Variants in ELMO1 observed in about 807,000 individuals in gnomAD.
ELMO1 encodes the protein engulfment and cell motility 1.
Under a neutral mutation model 98.9 loss-of-function variants are expected in ELMO1, and 26 were observed. That is an observed-to-expected ratio of 0.26 (90% confidence interval 0.19 to 0.36). The LOEUF is 0.36. Ranked by LOEUF, ELMO1 falls within the 10% of genes least tolerant of loss-of-function variation. ELMO1 has a pLI of 1.00. For synonymous variants in ELMO1, 346 were observed against 346.0 expected, an observed-to-expected ratio of 1.00 and a Z score of 0.00; for missense variants, 627 against 935.2, an observed-to-expected ratio of 0.67 and a Z score of 4.30.
intron 6 of ELMO1, among the ~76,000 whole-genome samples, chr7:37,246,008 C>T (rs766381584): frequency 1.3e-5 from 2 of 152,136 alleles, no homozygotes; most frequent in Admixed American, 6.5e-5. Flanking sequence ...GAAAAACACA[C>T]GAATCTGCTT....
intron 14 of ELMO1, among the ~76,000 whole-genome samples, chr7:37,103,025 A>G (rs1488081060): frequency 2.0e-5 from 3 of 152,198 alleles, no homozygotes; most frequent in Non-Finnish European, 2.9e-5. Context: ...AGTTTTCTCC[A>G]TGAAAATGAG....
intron 1 of ELMO1, among the ~76,000 whole-genome samples, chr7:37,364,771 C>T (rs1002395716): frequency 6.6e-6 from 1 of 152,124 alleles, no homozygotes; most frequent in African/African-American, 2.4e-5. Flanking sequence ...CTAAGGATAT[C>T]GGCTTTTCTA....
At chr7:36,887,473 G>A (rs2072522) in intron 18 of ELMO1, 87 bp downstream of exon 18, 22 of 1,300,318 alleles carry the variant, frequency 1.7e-5, no homozygotes, top group Admixed American at 3.8e-5. Context: ...TGGCCTACCC[G>A]TAAACCAACA....
chr7:37,078,234 T>C (rs1797687817), intron 15 of ELMO1, among the ~76,000 whole-genome samples: 1 of 152,210 alleles, frequency 6.6e-6, no homozygotes, highest in African/African-American at 2.4e-5. Context: ...TTAATACTGT[T>C]TTATGAAGGA....
At chr7:36,985,494 A>G (rs909403755) in intron 16 of ELMO1, among the ~76,000 whole-genome samples, 7 of 152,112 alleles carry the variant, frequency 4.6e-5, no homozygotes, top group Admixed American at 4.6e-4. Context: ...CCATTGTAAT[A>G]ACATCTCTCT....
rs1280865782 is a variant in ELMO1 at position 36,955,203 on chromosome 7, G to A, written c.1437+58096C>T. On this transcript the variant is annotated intron_variant, in intron 16 of 21. Coordinates refer to ENST00000310758, the MANE Select transcript of ELMO1 (RefSeq NM_014800.11). ...TCTAAGGTCGAGTAGCTCCTAACTGGTCACACCAGGAAATAAACCCTCCTC... is the reference window on the plus strand; with the variant it reads ...TCTAAGGTCGAGTAGCTCCTAACTGATCACACCAGGAAATAAACCCTCCTC... 2.0e-5 allele frequency among the ~76,000 whole-genome samples: 3 copies of A among 152,190 alleles called. No homozygotes were observed. The East Asian group carries it at 5.8e-4, about 29-fold the overall frequency.
intron 1 of ELMO1, among the ~76,000 whole-genome samples, chr7:37,371,179 G>A (rs10246492): frequency 0.51 from 77,402 of 151,946 alleles, 19,846 homozygotes; most frequent in East Asian, 0.7. Context: ...GAATCATTCC[G>A]TTTTTATAAA....
intron 15 of ELMO1, among the ~76,000 whole-genome samples, chr7:37,086,041 G>A (rs540966896): frequency 3.3e-5 from 5 of 152,290 alleles, no homozygotes; most frequent in Admixed American, 6.5e-5. Flanking sequence ...AGAATTAGGC[G>A]GCAGTGCGTC....
chr7:37,412,392 G>A (rs1218777066), intron 1 of ELMO1, among the ~76,000 whole-genome samples: 1 of 152,158 alleles, frequency 6.6e-6, no homozygotes, highest in African/African-American at 2.4e-5. Context: ...GTCTTCTATA[G>A]GAGGCTTCTG....
chr7:37,072,730 T>G (rs1363416440), intron 15 of ELMO1, among the ~76,000 whole-genome samples: 2 of 152,126 alleles, frequency 1.3e-5, no homozygotes, highest in African/African-American at 4.8e-5. Flanking sequence ...GAGCCTGCAG[T>G]GAGGGGGTGC....
intron 14 of ELMO1, among the ~76,000 whole-genome samples, chr7:37,126,942 T>TA (rs1786562715): frequency 6.6e-6 from 1 of 152,254 alleles, no homozygotes; most frequent in Non-Finnish European, 1.5e-5. Context: ...GAAAAAGATG[T>TA]AATCAATAAT....
intron 1 of ELMO1, among the ~76,000 whole-genome samples, chr7:37,404,045 A>G (rs1351587602): frequency 6.6e-6 from 1 of 152,194 alleles, no homozygotes; most frequent in Non-Finnish European, 1.5e-5. Flanking sequence ...TCAATTTTTC[A>G]GTAAATCTAA....
chr7:36,954,959 T>C (rs1788320070), intron 16 of ELMO1, among the ~76,000 whole-genome samples: 1 of 152,184 alleles, frequency 6.6e-6, no homozygotes, highest in South Asian at 2.1e-4. Flanking sequence ...CAGTGAGCCA[T>C]TCATCCCACA....
At chr7:37,398,704 C>A (rs1484814619) in intron 1 of ELMO1, among the ~76,000 whole-genome samples, 1 of 152,156 alleles carries the variant, frequency 6.6e-6, no homozygotes, top group Non-Finnish European at 1.5e-5. Context: ...TCTGCTGCAC[C>A]AACACCCATT....
At chr7:37,098,113 A>G (rs975879421) in intron 14 of ELMO1, among the ~76,000 whole-genome samples, 2 of 152,218 alleles carry the variant, frequency 1.3e-5, no homozygotes, top group Non-Finnish European at 2.9e-5. Context: ...CTTAATAGCT[A>G]CACCACTTTG....
chr7:37,174,689 T>C (rs531333459), intron 13 of ELMO1, among the ~76,000 whole-genome samples: 4 of 152,308 alleles, frequency 2.6e-5, no homozygotes, highest in South Asian at 2.1e-4. Flanking sequence ...CAGTACATGA[T>C]GTTATTCATT....
rs575599293 is a variant in ELMO1 at position 36,855,817 on chromosome 7, T to C, written c.1984-66A>G. On this transcript the variant is annotated intron_variant, in intron 21 of 21. Transcript: ENST00000310758. The surrounding 1 kb of genome is among the most constrained non-coding windows in gnomAD (Gnocchi z 4.2). ...ATTACAGAAGTATTAATAGTAAAAA[T>C]AGCTAACAGTGAATACTCATCCCTC... The C allele has an allele frequency of 4.2e-5, 66 of 1,575,304 alleles. No individual in the cohort carries two copies. The highest frequency in any genetic ancestry group is 3.9e-4 in the Middle Eastern group (2 of 5,174).
intron 15 of ELMO1, among the ~76,000 whole-genome samples, chr7:37,018,004 C>T (rs1051389570): frequency 1.3e-5 from 2 of 152,180 alleles, no homozygotes; most frequent in Non-Finnish European, 2.9e-5. Flanking sequence ...GAACCTGTTT[C>T]CTCATCTGTG....
chr7:36,943,154 G>A (rs1159368154), intron 16 of ELMO1, among the ~76,000 whole-genome samples: 3 of 152,172 alleles, frequency 2.0e-5, no homozygotes, highest in Non-Finnish European at 2.9e-5. Flanking sequence ...GACAACGCTG[G>A]CCACTGCAGC....
Sources: gnomAD v4.1 joint callset for allele counts (sites outside exome capture counted in the v4.1 genomes callset) on GRCh38, gnomAD v4.1.1 for gene constraint, Gnocchi (gnomAD v3.1) non-coding constraint, MANE v1.5 for transcripts, NCBI Gene and HGNC (gene_info 2026-07-23, HGNC 2026-07-21) for gene names.